The following NFXL1 variants were observed in gnomAD, a reference collection of about 807,000 sequenced individuals.
NFXL1 encodes nuclear transcription factor, X-box binding like 1, also known as NF-X1-type zinc finger protein NFXL1.
Under a neutral mutation model 123.3 loss-of-function variants are expected in NFXL1, and 66 were observed. The ratio of observed to expected loss-of-function variants is 0.54; its 90% CI spans 0.44 to 0.66. NFXL1 has a LOEUF of 0.66. NFXL1 is among the 30% of genes least tolerant of loss of function. The pLI is 0.00. For missense variants in NFXL1, 944 were observed against 1,125.6 expected (o/e 0.84, Z 2.31); for synonymous variants, 346 against 360.8 (o/e 0.96, Z 0.46).
At chr4:47,850,751 G>A (rs1247962635) in intron 22 of NFXL1, among the ~76,000 whole-genome samples, 1 of 151,988 alleles carries the variant, frequency 6.6e-6, no homozygotes, top group Non-Finnish European at 1.5e-5. Context: ...GTAAAGTCAT[G>A]GTCTCCAGAA....
intron 18 of NFXL1, among the ~76,000 whole-genome samples, chr4:47,870,156 T>C (rs960012912): frequency 3.3e-5 from 5 of 152,004 alleles, no homozygotes; most frequent in Admixed American, 2.0e-4. Context: ...TTCTAAAGCA[T>C]AGAAAACCAA....
intron 8 of NFXL1, 26 bp downstream of exon 8, chr4:47,898,731 A>T: frequency 9.2e-7 from 1 of 1,086,940 alleles, no homozygotes; most frequent in Non-Finnish European, 1.4e-6. Context: ...TTTAATACCC[A>T]CCCCTCAAAA....
chr4:47,855,756 T>C (rs575599613), intron 19 of NFXL1, among the ~76,000 whole-genome samples: 2 of 152,268 alleles, frequency 1.3e-5, no homozygotes, highest in African/African-American at 4.8e-5. Context: ...ATTTACCCTT[T>C]CTACTAATAT....
At chr4:47,854,977 CAT>C in intron 20 of NFXL1, 80 bp downstream of exon 20, 1 of 422,444 alleles carries the variant, frequency 2.4e-6, no homozygotes, top group African/African-American at 2.3e-5. Flanking sequence ...TACCAAAACA[CAT>C]AGATCAAAAA....
At position 47,848,048 on chromosome 4, in the gene NFXL1, A is replaced by G. The variant is rs1231212736; in HGVS notation, c.*115T>C. 4 of 641,128 alleles carry G rather than the reference A, an allele frequency of 6.2e-6. No individual in the cohort carries two copies. The South Asian group carries it at 7.5e-5, about 12-fold the overall frequency. The allele number at this position is 641,128 out of a possible 1,614,324, so 39.7% of individuals were successfully genotyped here. A position where few individuals can be genotyped will look rare whatever the true frequency, so the allele number is the denominator to read the frequency against. On this transcript the variant is annotated 3_prime_UTR_variant, in exon 23 of 23. Coordinates refer to ENST00000507489, the MANE Select transcript of NFXL1 (RefSeq NM_001278624.2). ...TGTCCTTCTAACAACAGCTGAGAGA[A>G]TACAGAGATGAATGTAAATATATAT...
intron 15 of NFXL1, among the ~76,000 whole-genome samples, chr4:47,883,717 C>T (rs1450463845): frequency 1.3e-5 from 2 of 152,190 alleles, no homozygotes; most frequent in Admixed American, 6.5e-5. Flanking sequence ...AAGACCAATA[C>T]ACCAGAAATA....
chr4:47,860,681 C>T (rs541132608), intron 19 of NFXL1, among the ~76,000 whole-genome samples: 4 of 152,292 alleles, frequency 2.6e-5, no homozygotes, highest in Non-Finnish European at 4.4e-5. Flanking sequence ...AATCCCATAC[C>T]TTAACTTTGA....
Position 47,899,355 on chromosome 4 carries a change from C to T in NFXL1, c.826+15G>A, listed in dbSNP as rs1209396724. ...AATCACCCACAAACAATTTAAAATGCAATATATAACTCACCTGGATGACAG... is the reference window on the plus strand; with the variant it reads ...AATCACCCACAAACAATTTAAAATGTAATATATAACTCACCTGGATGACAG... On this transcript the variant is annotated intron_variant, in intron 6 of 22. Coordinates refer to ENST00000507489, the MANE Select transcript of NFXL1 (RefSeq NM_001278624.2). The T allele has an allele frequency of 6.3e-7, 1 of 1,589,316 alleles. No individual in the cohort carries two copies. The highest frequency in any genetic ancestry group is 1.4e-5 in the African/African-American group (1 of 74,032).
chr4:47,887,203 A>G (rs1736488521), intron 12 of NFXL1, among the ~76,000 whole-genome samples: 1 of 152,144 alleles, frequency 6.6e-6, no homozygotes, highest in Non-Finnish European at 1.5e-5. Flanking sequence ...CCAGTAAGGA[A>G]CTCTATCAGA....
At chr4:47,859,144 G>T (rs1409406285) in intron 19 of NFXL1, among the ~76,000 whole-genome samples, 2 of 152,122 alleles carry the variant, frequency 1.3e-5, no homozygotes, top group African/African-American at 4.8e-5. Flanking sequence ...AGTGGGACAG[G>T]TTTTTTCTAC....
At chr4:47,848,922 C>T (rs961698370) in intron 22 of NFXL1, among the ~76,000 whole-genome samples, 5 of 151,878 alleles carry the variant, frequency 3.3e-5, no homozygotes, top group African/African-American at 9.7e-5. Flanking sequence ...TAAAATAAAA[C>T]GTCTTATTAA....
At chr4:47,854,042 T>C (rs1272334041) in intron 20 of NFXL1, among the ~76,000 whole-genome samples, 4 of 152,114 alleles carry the variant, frequency 2.6e-5, no homozygotes, top group African/African-American at 4.8e-5. Context: ...ACATTAAAAA[T>C]GGCTTGACCA....
chr4:47,911,378 T>C lies in NFXL1; in HGVS notation c.236-384A>G, dbSNP rs544171546. Among the ~76,000 whole-genome samples, 10 of 152,338 alleles carry C rather than the reference T, an allele frequency of 6.6e-5. 1 individual carries two copies. The South Asian group carries it at 1.9e-3, about 28-fold the overall frequency. On this transcript the variant is annotated intron_variant, in intron 2 of 22. Coordinates refer to ENST00000507489, the MANE Select transcript of NFXL1 (RefSeq NM_001278624.2). ...GTAATTTTTAAGAAGTGAGGGAACA[T>C]GTCCACAGTGAGCACATAAAGAATC...
rs200513411 is a variant in NFXL1, at chr4:47,897,947, T to TA, written c.1204+19dup. 1.4e-3 allele frequency: 1,940 copies of TA among 1,382,372 alleles called. No individual in the cohort carries two copies. Among genetic ancestry groups the TA allele is most frequent in the Non-Finnish European group, 1.6e-3 (1,621 of 994,958 alleles). The allele number at this position is 1,382,372 out of a possible 1,614,324, so 85.6% of individuals were successfully genotyped here. A position where few individuals can be genotyped will look rare whatever the true frequency, so the allele number is the denominator to read the frequency against. ...TGACAGATCATTTCCTATATAAATATAAAAAAAAACAAGTCTTACTTGATT... is the reference window on the plus strand; with the variant it reads ...TGACAGATCATTTCCTATATAAATATAAAAAAAAAACAAGTCTTACTTGATT... On this transcript the variant is annotated intron_variant, in intron 9 of 22. Coordinates refer to ENST00000507489, the MANE Select transcript of NFXL1 (RefSeq NM_001278624.2).
chr4:47,879,040 T>G, intron 16 of NFXL1, 56 bp downstream of exon 16: 3 of 995,178 alleles, frequency 3.0e-6, no homozygotes, highest in Non-Finnish European at 3.0e-6. Context: ...AAAGTTATAC[T>G]AGTATGTAAC....
intron 11 of NFXL1, among the ~76,000 whole-genome samples, chr4:47,893,193 A>T (rs1475021303): frequency 6.6e-6 from 1 of 152,190 alleles, no homozygotes; most frequent in Non-Finnish European, 1.5e-5. Flanking sequence ...AAATAGTATC[A>T]GTGAACTTGG....
chr4:47,878,399 G>C, intron 17 of NFXL1, 126 bp downstream of exon 17: 1 of 684,272 alleles, frequency 1.5e-6, no homozygotes, highest in Non-Finnish European at 2.4e-6. Flanking sequence ...AAAAGAAGGA[G>C]AAGGGATGAG....
At chr4:47,891,198 A>ACCT (rs1224427805) in intron 11 of NFXL1, among the ~76,000 whole-genome samples, 1 of 145,444 alleles carries the variant, frequency 6.9e-6, no homozygotes, top group Non-Finnish European at 1.5e-5. Context: ...TGCAACCTCC[A>ACCT]CCTCCCAGGC....
chr4:47,907,254 A>G (rs1303235504), intron 3 of NFXL1, among the ~76,000 whole-genome samples: 2 of 152,238 alleles, frequency 1.3e-5, no homozygotes, highest in Non-Finnish European at 2.9e-5. Context: ...GTGTCTGCTG[A>G]GCTAACATGG....
Sources: allele counts gnomAD v4.1 joint callset (sites outside exome capture counted in the v4.1 genomes callset), GRCh38; gene constraint gnomAD v4.1.1; transcripts MANE v1.5; gene names NCBI Gene and HGNC (gene_info 2026-07-23, HGNC 2026-07-21).